The following NCALD variants were observed in gnomAD, a reference collection of about 807,000 sequenced individuals.
NCALD encodes the protein neurocalcin-delta.
NCALD carries 10 observed loss-of-function variants against 18.6 expected under a neutral mutation model. The observed-to-expected ratio is 0.54, with a 90% CI of 0.33 to 0.91. The LOEUF is 0.91. NCALD is among the 40% of genes least tolerant of loss of function. The pLI is 0.03. For missense variants in NCALD, 184 were observed against 247.6 expected (o/e 0.74, Z 1.72); for synonymous variants, 88 against 87.4 (o/e 1.01, Z -0.04).
Position 101,928,865 on chromosome 8 carries a change from T to A in NCALD, c.-156-13007A>T, listed in dbSNP as rs147943078. The stretch of plus-strand genomic sequence containing the variant: ...ATAAAGAGAAGCTGAGTCAACAGTA[T>A]TAGATACAAAAACACTGTGCTGTAA... On this transcript the variant is annotated intron_variant, in intron 2 of 6. Transcript: ENST00000311028. Among the ~76,000 whole-genome samples the A allele has an allele frequency of 2.0e-3, 310 of 152,218 alleles. 2 individuals are homozygous for A. The highest frequency in any genetic ancestry group is 6.9e-3 in the African/African-American group (288 of 41,528).
intron 1 of NCALD, among the ~76,000 whole-genome samples, chr8:102,108,522 G>A (rs1259637155): frequency 2.0e-5 from 3 of 152,164 alleles, no homozygotes; most frequent in African/African-American, 7.2e-5. Flanking sequence ...AGACTTGCTG[G>A]ACAGAAAACA....
intron 1 of NCALD, among the ~76,000 whole-genome samples, chr8:101,741,755 C>T (rs1194803378): frequency 1.0e-5 from 1 of 97,216 alleles, no homozygotes; most frequent in Non-Finnish European, 1.9e-5. Flanking sequence ...AGGGAGACCT[C>T]ATCTCTACAA....
intron 4 of NCALD, among the ~76,000 whole-genome samples, chr8:101,804,198 T>A (rs1812974088): frequency 6.6e-6 from 1 of 150,892 alleles, no homozygotes; most frequent in African/African-American, 2.4e-5. Context: ...TTTAGAAAAA[T>A]TATTTTCTAA....
At chr8:101,691,291 T>A (rs528683761) in intron 3 of NCALD, 1 of 985,368 alleles carries the variant, frequency 1.0e-6, no homozygotes, top group African/African-American at 1.7e-5. Flanking sequence ...TTTAATTTAA[T>A]TTTAAACATG....
chr8:101,780,719 T>G (rs1003725335), intron 1 of NCALD, among the ~76,000 whole-genome samples: 2 of 152,136 alleles, frequency 1.3e-5, no homozygotes, highest in African/African-American at 4.8e-5. Context: ...AAATGGTAAA[T>G]TTTACACGCA....
chr8:102,051,104 T>C (rs139576724), intron 1 of NCALD, among the ~76,000 whole-genome samples: 22 of 152,220 alleles, frequency 1.4e-4, no homozygotes, highest in Admixed American at 1.3e-3. Context: ...AGGCCAACTC[T>C]CTCTGCCCTG....
At chr8:101,904,825 C>T (rs896036522) in intron 3 of NCALD, among the ~76,000 whole-genome samples, 2 of 152,122 alleles carry the variant, frequency 1.3e-5, no homozygotes, top group African/African-American at 4.8e-5. Flanking sequence ...CTGTTCTACC[C>T]TTCTGAAACC....
intron 1 of NCALD, among the ~76,000 whole-genome samples, chr8:102,034,692 T>C (rs1822799175): frequency 6.6e-6 from 1 of 152,172 alleles, no homozygotes; most frequent in African/African-American, 2.4e-5. Context: ...GTGCCTTCAA[T>C]GGCAGTGGCA....
intron 1 of NCALD, among the ~76,000 whole-genome samples, chr8:101,789,837 T>G (rs1435618443): frequency 6.6e-6 from 1 of 152,188 alleles, no homozygotes; most frequent in Non-Finnish European, 1.5e-5. Flanking sequence ...AACCTGTATG[T>G]CATGAAAGAA....
intron 2 of NCALD, among the ~76,000 whole-genome samples, chr8:101,929,776 A>G (rs1161871946): frequency 1.3e-5 from 2 of 152,078 alleles, no homozygotes; most frequent in Non-Finnish European, 2.9e-5. Context: ...TTAAAAATAC[A>G]AATTATGGCC....
intron 4 of NCALD, among the ~76,000 whole-genome samples, chr8:101,878,672 T>A (rs770376686): frequency 6.6e-6 from 1 of 152,194 alleles, no homozygotes; most frequent in Non-Finnish European, 1.5e-5. Context: ...CTAACATTAT[T>A]TTTTTAGACT....
intron 4 of NCALD, among the ~76,000 whole-genome samples, chr8:101,862,075 T>A (rs1323988002): frequency 2.0e-5 from 3 of 152,214 alleles, no homozygotes; most frequent in East Asian, 1.9e-4. Context: ...AACAAGACTG[T>A]TGCATTCCAT....
intron 1 of NCALD, among the ~76,000 whole-genome samples, chr8:102,035,300 T>C (rs1204305808): frequency 6.6e-6 from 1 of 152,152 alleles, no homozygotes; most frequent in African/African-American, 2.4e-5. Flanking sequence ...TAACCCAAAA[T>C]GGTGACCTTT....
chr8:101,744,375 T>A (rs1474424247), intron 1 of NCALD, among the ~76,000 whole-genome samples: 1 of 152,210 alleles, frequency 6.6e-6, no homozygotes, highest in Non-Finnish European at 1.5e-5. Flanking sequence ...ACATCTCCAA[T>A]TTCAAACAGA....
chr8:101,831,987 T>G (rs962909010), intron 4 of NCALD, among the ~76,000 whole-genome samples: 3 of 152,208 alleles, frequency 2.0e-5, no homozygotes, highest in East Asian at 1.9e-4. Context: ...GTTTTGCCAG[T>G]GCAGATAAAG....
At chr8:101,699,100 G>A (rs113501113) in intron 2 of NCALD, among the ~76,000 whole-genome samples, 1,603 of 148,018 alleles carry the variant, frequency 0.011, 35 homozygotes, top group African/African-American at 0.036. Flanking sequence ...CCATCAAAAA[G>A]TGGGCAAAGG....
chr8:101,838,312 C>A (rs1193160405), intron 4 of NCALD, among the ~76,000 whole-genome samples: 2 of 152,174 alleles, frequency 1.3e-5, no homozygotes, highest in Non-Finnish European at 2.9e-5. Flanking sequence ...GCCTCCACCT[C>A]CCAGGTTCAA....
intron 1 of NCALD, among the ~76,000 whole-genome samples, chr8:101,740,419 G>A (rs1036884200): frequency 2.6e-5 from 4 of 152,144 alleles, no homozygotes; most frequent in Admixed American, 6.5e-5. Flanking sequence ...GAAGAATTAC[G>A]GGCTTACCCA....
intron 4 of NCALD, chr8:101,852,645 T>C (rs1045778819): frequency 6.6e-6 from 1 of 152,214 alleles, no homozygotes; most frequent in Non-Finnish European, 1.5e-5. Context: ...CTCGCTGTAC[T>C]GGGGCAGCGT....
Sources: allele counts gnomAD v4.1 joint callset (sites outside exome capture counted in the v4.1 genomes callset), GRCh38; gene constraint gnomAD v4.1.1; transcripts MANE v1.5; gene names NCBI Gene and HGNC (gene_info 2026-07-23, HGNC 2026-07-21).